AIG1: variants seen among roughly 807,000 people sequenced by gnomAD.
The protein encoded by AIG1 is androgen-induced gene 1 protein.
In AIG1, 23 loss-of-function variants were observed where a neutral mutation model predicts 31.4. The observed-to-expected ratio is 0.73, with a 90% confidence interval of 0.53 to 1.04. AIG1 has a LOEUF of 1.04. Ranked by LOEUF, AIG1 falls within the 50% of genes least tolerant of loss-of-function variation. AIG1 has a pLI of 0.00. For missense variants in AIG1, 274 were observed against 295.0 expected (o/e 0.93, Z 0.52); for synonymous variants, 100 against 110.5 (o/e 0.90, Z 0.60).
In AIG1 at chr6:143,315,784, G is replaced by A. The variant is rs559249658; in HGVS notation, c.516-17498G>A. On this transcript the variant is annotated intron_variant, in intron 4 of 5. Coordinates refer to ENST00000357847, the MANE Select transcript of AIG1 (RefSeq NM_016108.4). The stretch of plus-strand genomic sequence containing the variant: ...TTTAGATACAACACCAAAGGCATGA[G>A]AAAACAATAATAATCCACTTGACTC... Among the ~76,000 whole-genome samples the A allele has an allele frequency of 8.5e-5, 13 of 152,094 alleles. No homozygotes were observed. In the East Asian group the frequency reaches 2.5e-3, roughly 29 times the overall value.
chr6:143,179,905 A>C (rs998324936), intron 3 of AIG1, among the ~76,000 whole-genome samples: 1 of 152,246 alleles, frequency 6.6e-6, no homozygotes. Context: ...CTTATAGCCT[A>C]TTTAACTTTA....
chr6:143,178,098 A>T (rs970030271), intron 3 of AIG1, among the ~76,000 whole-genome samples: 1 of 152,168 alleles, frequency 6.6e-6, no homozygotes, highest in African/African-American at 2.4e-5. Context: ...TTGGATTCTG[A>T]GGAGTGCGTG....
intron 4 of AIG1, among the ~76,000 whole-genome samples, chr6:143,319,814 A>T (rs1185885681): frequency 6.6e-6 from 1 of 152,154 alleles, no homozygotes; most frequent in African/African-American, 2.4e-5. Context: ...ATTTTAAGGG[A>T]TTATTATGAA....
intron 2 of AIG1, among the ~76,000 whole-genome samples, chr6:143,142,821 T>C (rs775037359): frequency 5.3e-5 from 8 of 152,220 alleles, no homozygotes; most frequent in Non-Finnish European, 1.0e-4. Flanking sequence ...GACTGTATGG[T>C]ATCTGCTTCC....
chr6:143,305,260 C>G (rs1397278582), intron 4 of AIG1, among the ~76,000 whole-genome samples: 2 of 152,148 alleles, frequency 1.3e-5, no homozygotes, highest in Non-Finnish European at 2.9e-5. Context: ...ATCTTGCCTT[C>G]TGCTAGCTTT....
chr6:143,262,210 CA>C (rs1364873700), intron 3 of AIG1, among the ~76,000 whole-genome samples: 2 of 152,118 alleles, frequency 1.3e-5, no homozygotes, highest in Admixed American at 1.3e-4. Context: ...TAAACTGTGC[CA>C]GGGGAGGGAA....
At position 143,096,751 on chromosome 6, in the gene AIG1, T is replaced by G. The variant is rs576103510; in HGVS notation, c.141+35685T>G. 2.0e-4 allele frequency among the ~76,000 whole-genome samples: 31 copies of G among 152,230 alleles called. 1 individual carries two copies. The highest frequency in any genetic ancestry group is 2.6e-4 in the Non-Finnish European group (18 of 68,030). Reference sequence around the variant, plus strand: ...ATAATTGATAGTTTCTTAATGACGCTTCTGTCTTTGAAAAAATGATTTTAA... The same window carrying G: ...ATAATTGATAGTTTCTTAATGACGCGTCTGTCTTTGAAAAAATGATTTTAA... On this transcript the variant is annotated intron_variant, in intron 1 of 5. Transcript: ENST00000357847.
chr6:143,148,528 A>G (rs976548076), intron 2 of AIG1, among the ~76,000 whole-genome samples: 2 of 151,814 alleles, frequency 1.3e-5, no homozygotes, highest in East Asian at 3.9e-4. Flanking sequence ...ACAAAAAGCA[A>G]AACAACTGTA....
intron 3 of AIG1, among the ~76,000 whole-genome samples, chr6:143,192,000 T>C (rs549779669): frequency 6.6e-6 from 1 of 152,350 alleles, no homozygotes; most frequent in South Asian, 2.1e-4. Flanking sequence ...TGAATTATCA[T>C]GCATTTACAA....
intron 3 of AIG1, among the ~76,000 whole-genome samples, chr6:143,281,055 G>C (rs1341180906): frequency 6.6e-6 from 1 of 152,150 alleles, no homozygotes; most frequent in Non-Finnish European, 1.5e-5. Context: ...TAATGTAAGT[G>C]ATCTGCAATT....
rs1034268026 is a variant in AIG1 at position 143,258,835 on chromosome 6, T to C, written c.400-25275T>C. Among the ~76,000 whole-genome samples the C allele has an allele frequency of 1.3e-5, 2 of 152,192 alleles. No homozygotes were observed. Among genetic ancestry groups the C allele is most frequent in the Non-Finnish European group, 2.9e-5 (2 of 68,032 alleles). The stretch of plus-strand genomic sequence containing the variant: ...ATGGGAGGTGTTTGGGTTATGGGGA[T>C]GGACCCTCATGAATAGATGGATGTC... On this transcript the variant is annotated intron_variant, in intron 3 of 5. Transcript: ENST00000357847. This position sits in a 1 kb window ranked among gnomAD's most constrained non-coding sequence, Gnocchi z 4.7.
intron 1 of AIG1, among the ~76,000 whole-genome samples, chr6:143,085,837 C>T (rs1264944554): frequency 6.6e-6 from 1 of 152,216 alleles, no homozygotes; most frequent in Non-Finnish European, 1.5e-5. Context: ...TCCTCCTGTC[C>T]TGAAGGGAGT....
At chr6:143,238,147 G>A (rs1793953211) in intron 3 of AIG1, among the ~76,000 whole-genome samples, 2 of 152,052 alleles carry the variant, frequency 1.3e-5, no homozygotes, top group Admixed American at 6.5e-5. Flanking sequence ...CACCATGTTG[G>A]CCAGGCTGGT....
intron 3 of AIG1, among the ~76,000 whole-genome samples, chr6:143,220,357 A>G (rs182043740): frequency 2.4e-4 from 37 of 152,346 alleles, no homozygotes; most frequent in Non-Finnish European, 1.0e-4. Flanking sequence ...GTGAACCCAT[A>G]GAGAAGAGAG....
chr6:143,083,702 C>T (rs1778499811), intron 1 of AIG1, among the ~76,000 whole-genome samples: 1 of 152,090 alleles, frequency 6.6e-6, no homozygotes, highest in Admixed American at 6.5e-5. Context: ...CTTTTGGAGT[C>T]CTTGCTGGGC....
At chr6:143,285,326 G>A (rs1263735546) in intron 4 of AIG1, among the ~76,000 whole-genome samples, 2 of 150,642 alleles carry the variant, frequency 1.3e-5, no homozygotes, top group East Asian at 4.1e-4. Context: ...ACAAGCATGA[G>A]CCACCGCGTC....
chr6:143,131,193 T>C (rs1014683247), intron 1 of AIG1, among the ~76,000 whole-genome samples: 14 of 152,242 alleles, frequency 9.2e-5, no homozygotes, highest in Non-Finnish European at 1.8e-4. Flanking sequence ...TCTGATATCC[T>C]ATTTTAGTTT....
chr6:143,083,483 G>A (rs1052380693), intron 1 of AIG1, among the ~76,000 whole-genome samples: 1 of 152,200 alleles, frequency 6.6e-6, no homozygotes, highest in African/African-American at 2.4e-5. Flanking sequence ...GTCCAGGACT[G>A]TAAACCACTC....
rs1029916112 is a variant in AIG1, at chr6:143,161,526, ATAT to A, written c.298-3552_298-3550del. ...AGCAGATTGAATCCAGTAAAAACAT[ATAT>A]TATATATATATGTGTGTATATATAT... On this transcript the variant is annotated intron_variant, in intron 2 of 5. Coordinates refer to ENST00000357847, the MANE Select transcript of AIG1 (RefSeq NM_016108.4). Among the ~76,000 whole-genome samples the A allele has an allele frequency of 3.3e-3, 270 of 82,382 alleles. 2 individuals carry two copies. The highest frequency in any genetic ancestry group is 0.028 in the African/African-American group (256 of 9,190). The allele number at this position is 82,382 out of a possible 152,430, so 54.0% of individuals were successfully genotyped here. A position where few individuals can be genotyped will look rare whatever the true frequency, so the allele number is the denominator to read the frequency against.
Sources: gnomAD v4.1 joint callset for allele counts (sites outside exome capture counted in the v4.1 genomes callset) on GRCh38, gnomAD v4.1.1 for gene constraint, Gnocchi (gnomAD v3.1) non-coding constraint, MANE v1.5 for transcripts, NCBI Gene and HGNC (gene_info 2026-07-23, HGNC 2026-07-21) for gene names.